Variants in REC114 observed in about 807,000 individuals in gnomAD.
REC114 encodes REC114 meiotic recombination protein, also known as meiotic recombination protein REC114.
Under a neutral mutation model 31.3 loss-of-function variants are expected in REC114, and 27 were observed. The observed-to-expected ratio is 0.86, with a 90% confidence interval of 0.64 to 1.19. The LOEUF is 1.19. Ranked by LOEUF, REC114 falls within the 50% of genes most tolerant of loss-of-function variation. The pLI is 0.00. For synonymous variants in REC114, 134 were observed against 127.7 expected (o/e 1.05, Z -0.33); for missense variants, 344 against 326.9 (o/e 1.05, Z -0.40).
chr15:73,494,887 T>C (rs1893497104), intron 2 of REC114, among the ~76,000 whole-genome samples: 1 of 152,228 alleles, frequency 6.6e-6, no homozygotes, highest in Non-Finnish European at 1.5e-5. Context: ...TTCACTAATA[T>C]GGTAATAGCT....
intron 2 of REC114, among the ~76,000 whole-genome samples, chr15:73,495,508 T>TAA (rs80177107): frequency 2.1e-4 from 27 of 130,720 alleles, no homozygotes; most frequent in African/African-American, 3.9e-4. Flanking sequence ...CTGCCAGTCT[T>TAA]AAAAAAAAAA....
At chr15:73,549,303 T>C (rs965724710) in intron 3 of REC114, among the ~76,000 whole-genome samples, 1 of 152,114 alleles carries the variant, frequency 6.6e-6, no homozygotes, top group Non-Finnish European at 1.5e-5. Flanking sequence ...ATTTGTGGGA[T>C]CTAAAAATCA....
chr15:73,528,168 T>C (rs1473761197), intron 2 of REC114, among the ~76,000 whole-genome samples: 1 of 152,212 alleles, frequency 6.6e-6, no homozygotes, highest in Admixed American at 6.5e-5. Context: ...ATCCCACCTT[T>C]CCTATTTTTA....
At chr15:73,543,967 G>C (rs1364374295) in intron 3 of REC114, among the ~76,000 whole-genome samples, 1 of 16,150 alleles carries the variant, frequency 6.2e-5, no homozygotes, top group East Asian at 1.8e-3. Flanking sequence ...TTTTTTTTTT[G>C]AGAAGAGTCT....
intron 2 of REC114, among the ~76,000 whole-genome samples, chr15:73,489,818 C>T (rs1209663563): frequency 6.6e-6 from 1 of 151,854 alleles, no homozygotes; most frequent in Admixed American, 6.6e-5. Context: ...TTATTTGCTT[C>T]CTAGCAGTCC....
chr15:73,501,531 G>T (rs577715230), intron 2 of REC114, among the ~76,000 whole-genome samples: 1 of 152,124 alleles, frequency 6.6e-6, no homozygotes, highest in East Asian at 1.9e-4. Flanking sequence ...TGCAGCCTCC[G>T]CCTCCCAGGT....
rs569340994 is a variant in REC114, at chr15:73,459,593, T to C, written c.160-14239T>C. ...TTGATCCTAGCTGTAATTCCAGATATTGTCTTTTATAAAGTAGTAGTCATT... is the reference window on the plus strand; with the variant it reads ...TTGATCCTAGCTGTAATTCCAGATACTGTCTTTTATAAAGTAGTAGTCATT... On this transcript the variant is annotated intron_variant, in intron 1 of 5. Transcript: ENST00000331090. Among the ~76,000 whole-genome samples the C allele has an allele frequency of 4.6e-5, 7 of 152,328 alleles. No individual in the cohort carries two copies. In the South Asian group the frequency reaches 1.4e-3, roughly 32 times the overall value.
chr15:73,521,908 C>T (rs934134206), intron 2 of REC114, among the ~76,000 whole-genome samples: 20 of 152,190 alleles, frequency 1.3e-4, no homozygotes, highest in African/African-American at 4.6e-4. Context: ...TCAGATTTTT[C>T]TAGATAATAG....
At chr15:73,501,194 C>T (rs1357835194) in intron 2 of REC114, among the ~76,000 whole-genome samples, 2 of 152,138 alleles carry the variant, frequency 1.3e-5, no homozygotes, top group East Asian at 3.8e-4. Context: ...TATTTTATTG[C>T]AGCACATCTA....
chr15:73,455,569 G>A (rs1892904076), intron 1 of REC114, among the ~76,000 whole-genome samples: 1 of 152,090 alleles, frequency 6.6e-6, no homozygotes, highest in Non-Finnish European at 1.5e-5. Context: ...CTAGTTGAGA[G>A]GGAAGATCAA....
chr15:73,545,790 G>C (rs1234470843), intron 3 of REC114, among the ~76,000 whole-genome samples: 2 of 152,106 alleles, frequency 1.3e-5, no homozygotes, highest in African/African-American at 4.8e-5. Context: ...TGTGCATACA[G>C]CTTTTTAAAG....
intron 2 of REC114, among the ~76,000 whole-genome samples, chr15:73,524,724 A>C (rs529449855): frequency 6.6e-6 from 1 of 152,152 alleles, no homozygotes; most frequent in African/African-American, 2.4e-5. Context: ...CAGCCTCCTG[A>C]GTAGCTGGGA....
chr15:73,538,200 A>G (rs919269861), intron 2 of REC114, among the ~76,000 whole-genome samples: 1 of 152,190 alleles, frequency 6.6e-6, no homozygotes, highest in Non-Finnish European at 1.5e-5. Flanking sequence ...ATTTCACTTT[A>G]ACTATTGAAA....
rs1025254165 is a variant in REC114, at chr15:73,511,410, A to AT, written c.250-29069dup. ...AAAAAACCAGCTCCTGGATTCATTG[A>AT]TTTTTTGAATGGTTTTTTGTGTCTC... is the stretch of plus-strand genomic sequence containing the variant. On this transcript the variant is annotated intron_variant, in intron 2 of 5. Coordinates refer to ENST00000331090, the MANE Select transcript of REC114 (RefSeq NM_001042367.2). Among the ~76,000 whole-genome samples the AT allele has an allele frequency of 9.1e-3, 1,376 of 151,974 alleles. 24 individuals are homozygous for AT. Among genetic ancestry groups the AT allele is most frequent in the African/African-American group, 0.031 (1,279 of 41,402 alleles).
intron 2 of REC114, among the ~76,000 whole-genome samples, chr15:73,514,065 G>A (rs1378246607): frequency 1.3e-5 from 2 of 152,290 alleles, no homozygotes; most frequent in East Asian, 3.9e-4. Flanking sequence ...CTTGCAGTTT[G>A]ATCTCAGACT....
At chr15:73,467,149 A>AT (rs1172434329) in intron 1 of REC114, among the ~76,000 whole-genome samples, 1 of 152,220 alleles carries the variant, frequency 6.6e-6, no homozygotes, top group Non-Finnish European at 1.5e-5. Flanking sequence ...CAAATCTGAT[A>AT]TTTTGAAGCT....
intron 3 of REC114, 122 bp downstream of exon 3, chr15:73,540,690 T>C (rs187115286): frequency 1.2e-6 from 1 of 846,878 alleles, no homozygotes; most frequent in African/African-American, 1.7e-5. Flanking sequence ...TTAAGAAAGG[T>C]TTGTACTATG....
intron 2 of REC114, among the ~76,000 whole-genome samples, chr15:73,536,670 TG>T (rs1465097844): frequency 1.3e-5 from 2 of 152,156 alleles, no homozygotes; most frequent in African/African-American, 4.8e-5. Context: ...AATTTATGTA[TG>T]GCAAGTGGTT....
At chr15:73,532,710 G>T (rs1479284372) in intron 2 of REC114, among the ~76,000 whole-genome samples, 1 of 152,120 alleles carries the variant, frequency 6.6e-6, no homozygotes, top group African/African-American at 2.4e-5. Context: ...TCCTCGAGAA[G>T]AGCAACTCCA....
Sources: gnomAD v4.1 joint callset for allele counts (sites outside exome capture counted in the v4.1 genomes callset) on GRCh38, gnomAD v4.1.1 for gene constraint, MANE v1.5 for transcripts, NCBI Gene and HGNC (gene_info 2026-07-23, HGNC 2026-07-21) for gene names.